Variants in PRRC2C observed in about 807,000 individuals in gnomAD.
The protein encoded by PRRC2C is proline rich coiled-coil 2C, also known as protein PRRC2C.
In PRRC2C, 72 loss-of-function variants were observed where a neutral mutation model predicts 317.2. That is an observed-to-expected ratio of 0.23 (90% CI 0.19 to 0.28). PRRC2C has a LOEUF of 0.28. PRRC2C is among the 10% of genes least tolerant of loss of function. The pLI is 1.00. For synonymous variants in PRRC2C, 1,296 were observed against 1,205.9 expected, an observed-to-expected ratio of 1.07 and a Z score of -1.55; for missense variants, 3,074 against 3,459.7, an observed-to-expected ratio of 0.89 and a Z score of 2.80.
At chr1:171,491,910 T>C (rs1458899258) in intron 1 of PRRC2C, among the ~76,000 whole-genome samples, 1 of 152,194 alleles carries the variant, frequency 6.6e-6, no homozygotes, top group Non-Finnish European at 1.5e-5. Context: ...TAAGTAACTT[T>C]TTAATGTTAG....
chr1:171,584,291 AAAAAC>A, intron 29 of PRRC2C, 104 bp downstream of exon 29: 1 of 1,373,152 alleles, frequency 7.3e-7, no homozygotes, highest in Non-Finnish European at 1.0e-6. Flanking sequence ...ATGCAATGAA[AAAAAC>A]AAAGTCCTTT....
Position 171,579,343 on chromosome 1 carries a change from A to G in PRRC2C, c.7160-11A>G. ...CACTTACTACTGCTTGTTTATCCTG[A>G]TGGTCTACAGCTCAAATCCCAGCCT... On this transcript the variant is annotated splice_polypyrimidine_tract_variant and intron_variant, in intron 26 of 34. Coordinates refer to ENST00000647382, the MANE Select transcript of PRRC2C (RefSeq NM_001387844.1). 6.2e-7 allele frequency: 1 copy of G among 1,609,296 alleles called. No homozygotes were observed.
intron 18 of PRRC2C, among the ~76,000 whole-genome samples, chr1:171,555,223 C>T (rs565858079): frequency 1.3e-5 from 2 of 152,286 alleles, no homozygotes; most frequent in South Asian, 2.1e-4. Flanking sequence ...GATCTTCAGT[C>T]ACTGATACAC....
chr1:171,526,062 T>C (rs775670532), intron 10 of PRRC2C, among the ~76,000 whole-genome samples: 2 of 152,210 alleles, frequency 1.3e-5, no homozygotes, highest in Non-Finnish European at 2.9e-5. Context: ...TAATGGGGAA[T>C]GAGAATTTTT....
chr1:171,551,695 C>A (rs1297142229), intron 18 of PRRC2C, among the ~76,000 whole-genome samples: 1 of 152,098 alleles, frequency 6.6e-6, no homozygotes, highest in Non-Finnish European at 1.5e-5. Context: ...GCCAGTTTTC[C>A]CAGCACCATT....
intron 28 of PRRC2C, 60 bp downstream of exon 28, chr1:171,580,024 C>T (rs1050956314): frequency 3.4e-4 from 468 of 1,359,566 alleles, no homozygotes; most frequent in Middle Eastern, 8.4e-4. Flanking sequence ...TGCTGATCCT[C>T]CTTGCCGTAA....
chr1:171,555,275 G>A (rs1166954601), intron 18 of PRRC2C, among the ~76,000 whole-genome samples: 1 of 152,196 alleles, frequency 6.6e-6, no homozygotes, highest in East Asian at 1.9e-4. Flanking sequence ...GCTTGGGCAT[G>A]TGTCACGTAG....
intron 28 of PRRC2C, among the ~76,000 whole-genome samples, chr1:171,582,424 G>C (rs1327567420): frequency 1.3e-5 from 2 of 152,146 alleles, no homozygotes; most frequent in Non-Finnish European, 2.9e-5. Flanking sequence ...GCTAATTAGA[G>C]TGCATCCAAG....
At chr1:171,488,699 A>G (rs1374429446) in intron 1 of PRRC2C, among the ~76,000 whole-genome samples, 1 of 152,196 alleles carries the variant, frequency 6.6e-6, no homozygotes, top group Non-Finnish European at 1.5e-5. Context: ...CTGTGACTAC[A>G]TGTATTTGCT....
intron 15 of PRRC2C, among the ~76,000 whole-genome samples, chr1:171,538,091 G>A (rs1204476343): frequency 1.3e-5 from 2 of 151,922 alleles, no homozygotes; most frequent in South Asian, 2.1e-4. Flanking sequence ...TAGTAGAGAC[G>A]GGGTTTCACC....
At chr1:171,569,731 T>C (rs1684408511) in intron 23 of PRRC2C, among the ~76,000 whole-genome samples, 1 of 150,936 alleles carries the variant, frequency 6.6e-6, no homozygotes, top group African/African-American at 2.4e-5. Flanking sequence ...ATCAGTAAGA[T>C]CTCAATAAAG....
At position 171,592,060 on chromosome 1, in the gene PRRC2C, CAT is replaced by C. The variant is rs1175539914; in HGVS notation, c.*214_*215del. 13 of 518,440 alleles carry C rather than the reference CAT, an allele frequency of 2.5e-5. No individual in the cohort carries two copies. Among genetic ancestry groups the C allele is most frequent in the African/African-American group, 5.7e-5 (3 of 52,516 alleles). The allele number at this position is 518,440 out of a possible 1,614,324, so 32.1% of individuals were successfully genotyped here. Reference sequence around the variant, plus strand: ...TTGCAAGCTTGTACCTACTATATAACATGTGCTTGGTTGATGGCCATGCATCT... The same window carrying C: ...TTGCAAGCTTGTACCTACTATATAACGTGCTTGGTTGATGGCCATGCATCT... On this transcript the variant is annotated 3_prime_UTR_variant, in exon 35 of 35. Transcript: ENST00000647382.
At chr1:171,495,341 C>A (rs1421087130) in intron 1 of PRRC2C, among the ~76,000 whole-genome samples, 1 of 152,132 alleles carries the variant, frequency 6.6e-6, no homozygotes, top group Non-Finnish European at 1.5e-5. Flanking sequence ...TTTAATTCTG[C>A]CTAGCATTCT....
At chr1:171,489,061 G>C (rs1286085450) in intron 1 of PRRC2C, among the ~76,000 whole-genome samples, 1 of 152,088 alleles carries the variant, frequency 6.6e-6, no homozygotes, top group Non-Finnish European at 1.5e-5. Context: ...CTACTAGACT[G>C]TTTCCATGTC....
chr1:171,495,015 T>A (rs1235499278), intron 1 of PRRC2C, among the ~76,000 whole-genome samples: 6 of 152,226 alleles, frequency 3.9e-5, no homozygotes, highest in Non-Finnish European at 8.8e-5. Context: ...GCTATAAGTT[T>A]TAGTTTAATG....
chr1:171,492,155 C>T (rs1161886072), intron 1 of PRRC2C, among the ~76,000 whole-genome samples: 1 of 151,970 alleles, frequency 6.6e-6, no homozygotes, highest in Non-Finnish European at 1.5e-5. Context: ...TTTTGTAGCC[C>T]CCACAACTAG....
intron 10 of PRRC2C, among the ~76,000 whole-genome samples, chr1:171,527,213 A>C (rs1449658197): frequency 1.3e-5 from 2 of 150,332 alleles, no homozygotes; most frequent in Non-Finnish European, 3.0e-5. Context: ...GCTCACTGCA[A>C]CCTCCGCCTC....
intron 23 of PRRC2C, 71 bp downstream of exon 23, chr1:171,568,410 A>G: frequency 6.5e-7 from 1 of 1,528,834 alleles, no homozygotes; most frequent in South Asian, 1.2e-5. Context: ...ACATTATTTC[A>G]TGTTTTATTT....
At position 171,527,048 on chromosome 1, in the gene PRRC2C, C is replaced by T. The variant is rs1674729966; in HGVS notation, c.1201-743C>T. On this transcript the variant is annotated intron_variant, in intron 10 of 34. Transcript: ENST00000647382. ...GTCTCTAACTCCTGACCTTGTGATC[C>T]GCCTGCCTCGGCCTCCCGAAGTGCT... 3.3e-5 allele frequency among the ~76,000 whole-genome samples: 5 copies of T among 151,282 alleles called. No homozygotes were observed. In the South Asian group the frequency reaches 1.0e-3, roughly 32 times the overall value.
Sources: gnomAD v4.1 joint callset for allele counts (sites outside exome capture counted in the v4.1 genomes callset) on GRCh38, gnomAD v4.1.1 for gene constraint, MANE v1.5 for transcripts, NCBI Gene and HGNC (gene_info 2026-07-23, HGNC 2026-07-21) for gene names.